The following TAOK1 variants were observed in gnomAD, a reference collection of about 807,000 sequenced individuals.
TAOK1 encodes serine/threonine-protein kinase TAO1.
TAOK1 carries 21 observed loss-of-function variants against 138.3 expected under a neutral mutation model. The observed-to-expected ratio is 0.15, with a 90% CI of 0.11 to 0.22. TAOK1 has a LOEUF of 0.22. Ranked by LOEUF, TAOK1 falls within the 10% of genes least tolerant of loss-of-function variation. The pLI, the probability that TAOK1 is intolerant of heterozygous loss-of-function variation, is 1.00. For synonymous variants in TAOK1, 361 were observed against 398.4 expected, an observed-to-expected ratio of 0.91 and a Z score of 1.12; for missense variants, 651 against 1,227.7, an observed-to-expected ratio of 0.53 and a Z score of 7.02.
At chr17:29,516,106 C>T (rs1311471315) in intron 15 of TAOK1, among the ~76,000 whole-genome samples, 1 of 150,824 alleles carries the variant, frequency 6.6e-6, no homozygotes, top group African/African-American at 2.4e-5. Flanking sequence ...GGATTGCAAG[C>T]CTGCACCACC....
chr17:29,432,404 A>G (rs1228471941), intron 1 of TAOK1, among the ~76,000 whole-genome samples: 1 of 152,098 alleles, frequency 6.6e-6, no homozygotes, highest in African/African-American at 2.4e-5. Context: ...TAAACCCACA[A>G]CCTTCGGCGT....
chr17:29,514,490 G>A (rs1338998670), intron 15 of TAOK1: 2 of 152,092 alleles, frequency 1.3e-5, no homozygotes, highest in Non-Finnish European at 1.5e-5. Context: ...CTCCCAAGTA[G>A]TTGGGACCAC....
intron 1 of TAOK1, among the ~76,000 whole-genome samples, chr17:29,422,531 A>G (rs1021541533): frequency 1.3e-5 from 2 of 152,152 alleles, no homozygotes; most frequent in African/African-American, 4.8e-5. Flanking sequence ...CTATTTTTGA[A>G]TGAACTTCGA....
intron 15 of TAOK1, chr17:29,514,507 A>T (rs1342031478): frequency 1.3e-5 from 2 of 152,130 alleles, no homozygotes; most frequent in African/African-American, 4.8e-5. Flanking sequence ...CCACAGACGC[A>T]TACCACCATG....
intron 18 of TAOK1, among the ~76,000 whole-genome samples, chr17:29,531,895 C>T (rs1220187051): frequency 1.4e-5 from 2 of 146,722 alleles, no homozygotes; most frequent in Non-Finnish European, 3.0e-5. Context: ...GAGTCTCGCT[C>T]TGTCACCCAG....
intron 2 of TAOK1, among the ~76,000 whole-genome samples, chr17:29,453,697 C>T (rs2030302587): frequency 6.6e-6 from 1 of 152,088 alleles, no homozygotes; most frequent in Non-Finnish European, 1.5e-5. Context: ...CTGCCTCAAC[C>T]TCTCGAGTAG....
At chr17:29,531,722 C>CAGCCGAG (rs1276949532) in intron 18 of TAOK1, among the ~76,000 whole-genome samples, 1 of 150,992 alleles carries the variant, frequency 6.6e-6, no homozygotes, top group African/African-American at 2.4e-5. Context: ...GAGATTGCGC[C>CAGCCGAG]ATTGCACTCC....
At chr17:29,422,849 C>A (rs926559444) in intron 1 of TAOK1, among the ~76,000 whole-genome samples, 1 of 152,060 alleles carries the variant, frequency 6.6e-6, no homozygotes, top group Non-Finnish European at 1.5e-5. Flanking sequence ...CATAGTGAAA[C>A]CCCCGTCTCT....
At chr17:29,525,101 TTTTTGTTTTGTTTTG>T (rs577019923) in intron 17 of TAOK1, among the ~76,000 whole-genome samples, 1 of 151,792 alleles carries the variant, frequency 6.6e-6, no homozygotes. Flanking sequence ...ATGTTTGTTT[TTTTTGTTTTGTTTTG>T]TTTTGTTTTG....
chr17:29,537,273 G>A (rs2032238612), intron 19 of TAOK1, among the ~76,000 whole-genome samples: 1 of 152,130 alleles, frequency 6.6e-6, no homozygotes, highest in Non-Finnish European at 1.5e-5. Flanking sequence ...GTACTCATTG[G>A]TGAAGGTACA....
intron 1 of TAOK1, among the ~76,000 whole-genome samples, chr17:29,400,904 CTT>C (rs10539936): frequency 0.022 from 2,296 of 105,204 alleles, 35 homozygotes; most frequent in Admixed American, 0.055. Context: ...TTGTTTGCCT[CTT>C]TTTTTTTTTT....
In TAOK1 at chr17:29,517,419, C is replaced by T. The variant is rs761509009; in HGVS notation, c.1705-34C>T. On this transcript the variant is annotated intron_variant, in intron 15 of 19. Coordinates refer to ENST00000261716, the MANE Select transcript of TAOK1 (RefSeq NM_020791.4). ...ACAGGCGTGAGCCACCGTGCCAGGC[C>T]TATTTTTACCTGAGTTGTTTTTTAT... 9 of 1,608,146 alleles carry T rather than the reference C, an allele frequency of 5.6e-6. No homozygotes were observed. In the South Asian group the frequency reaches 6.6e-5, roughly 12 times the overall value.
At position 29,523,049 on chromosome 17, in the gene TAOK1, C is replaced by T. The variant is rs964071091; in HGVS notation, c.2148+530C>T. On this transcript the variant is annotated intron_variant, in intron 17 of 19. Coordinates refer to ENST00000261716, the MANE Select transcript of TAOK1 (RefSeq NM_020791.4). Reference sequence around the variant, plus strand: ...AAGAACACACCACAGCACTCCAGCCCGGGTGACAGAGCAAGACCCTGTCTC... The same window carrying T: ...AAGAACACACCACAGCACTCCAGCCTGGGTGACAGAGCAAGACCCTGTCTC... Among the ~76,000 whole-genome samples the T allele has an allele frequency of 1.8e-4, 26 of 146,406 alleles. 1 individual carries two copies. The highest frequency in any genetic ancestry group is 7.6e-4 in the Admixed American group (11 of 14,390).
At chr17:29,397,672 T>TATACATGTATACATGTATG (rs1904679085) in intron 1 of TAOK1, among the ~76,000 whole-genome samples, 2 of 59,604 alleles carry the variant, frequency 3.4e-5, no homozygotes, top group Non-Finnish European at 6.2e-5. Flanking sequence ...ATGATACATG[T>TATACATGTATACATGTATG]ATACATGTAT....
In TAOK1 at chr17:29,517,519, A is replaced by T. The variant is rs1260417948; in HGVS notation, c.1771A>T (p.Asn591Tyr). ...KQEWLSKQKE[N>Y]IQHFQAEEEA... ...GGAGTGGCTTTCAAAGCAGAAGGAG[A>T]ATATACAGCATTTCCAAGCAGAAGA... Residue 591 changes from asparagine to tyrosine, a missense_variant, in exon 16 of 20, where the codon AAT (asparagine) becomes TAT (tyrosine). By Grantham distance (143) the Asn-to-Tyr change is moderately radical (BLOSUM62 -2). This residue lies in a region of TAOK1 where 258 missense variants were observed against 548.9 expected (regional missense o/e 0.47). Coordinates refer to ENST00000261716, the MANE Select transcript of TAOK1 (RefSeq NM_020791.4). 6.2e-7 allele frequency: 1 copy of T among 1,613,988 alleles called. No individual in the cohort carries two copies. The highest frequency in any genetic ancestry group is 8.5e-7 in the Non-Finnish European group (1 of 1,180,006).
intron 18 of TAOK1, among the ~76,000 whole-genome samples, chr17:29,533,709 C>T (rs1359213625): frequency 4.6e-5 from 7 of 151,554 alleles, no homozygotes; most frequent in Admixed American, 2.0e-4. Flanking sequence ...GGCGTGGCGG[C>T]GCGCGCCTGC....
chr17:29,456,143 T>G (rs547001502), intron 2 of TAOK1, among the ~76,000 whole-genome samples: 50 of 150,358 alleles, frequency 3.3e-4, no homozygotes, highest in Middle Eastern at 3.4e-3. Flanking sequence ...AGGTCAGGGG[T>G]TCGAGACCAG....
chr17:29,407,557 C>A (rs888948754), intron 1 of TAOK1, among the ~76,000 whole-genome samples: 1 of 151,774 alleles, frequency 6.6e-6, no homozygotes, highest in Admixed American at 6.6e-5. Context: ...GGTGATCCTC[C>A]CCCCTCAGCC....
chr17:29,539,751 TA>T (rs1400741622), intron 19 of TAOK1, among the ~76,000 whole-genome samples: 2 of 152,010 alleles, frequency 1.3e-5, no homozygotes, highest in Non-Finnish European at 2.9e-5. Flanking sequence ...TTTGTATTTT[TA>T]GTAGAAATAC....
Sources: gnomAD v4.1 joint callset for allele counts (sites outside exome capture counted in the v4.1 genomes callset) on GRCh38, gnomAD v4.1.1 for gene constraint, gnomAD v4.1.1 regional missense constraint, MANE v1.5 for transcripts, NCBI Gene and HGNC (gene_info 2026-07-23, HGNC 2026-07-21) for gene names.